The following CFAP54 variants were observed in gnomAD, a reference collection of about 807,000 sequenced individuals.
The protein encoded by CFAP54 is cilia and flagella associated protein 54, also known as cilia- and flagella-associated protein 54.
CFAP54 carries 290 observed loss-of-function variants against 370.4 expected under a neutral mutation model. The ratio of observed to expected loss-of-function variants is 0.78; its 90% CI spans 0.71 to 0.86. The LOEUF (loss-of-function observed/expected upper bound fraction) is 0.86. Ranked by LOEUF, CFAP54 falls within the 40% of genes least tolerant of loss-of-function variation. CFAP54 has a pLI of 0.00. For missense variants in CFAP54, 3,399 were observed against 3,528.7 expected (o/e 0.96, Z 0.93); for synonymous variants, 1,206 against 1,236.5 (o/e 0.98, Z 0.52).
intron 60 of CFAP54, among the ~76,000 whole-genome samples, chr12:96,768,717 A>G (rs755963331): frequency 1.8e-4 from 27 of 152,202 alleles, no homozygotes; most frequent in Non-Finnish European, 2.9e-5. Flanking sequence ...AAACAAAAAA[A>G]GAAGCAGAGC....
Position 96,691,239 on chromosome 12 carries a change from G to A in CFAP54, c.6193G>A (p.Asp2065Asn). 1.2e-6 allele frequency: 2 copies of A among 1,612,802 alleles called. No homozygotes were observed. The highest frequency in any genetic ancestry group is 8.5e-7 in the Non-Finnish European group (1 of 1,179,396). ...ACTCTTCTCAGATAGATACAGGGCT[G>A]ACATTTGCTCTGTAATTGCAAGTCT... ...IELFSDRYRADICSVIASLYY... is the reference protein window; with the variant it reads ...IELFSDRYRANICSVIASLYY... The change falls in exon 44 of 68, where the codon GAC becomes AAC. Residue 2065 changes from aspartate to asparagine, a missense_variant. Around this residue, in one of 3 missense-constraint regions of CFAP54, gnomAD observed 2,796 missense variants for 2,869.7 expected, o/e 0.97. Coordinates refer to ENST00000524981, the MANE Select transcript of CFAP54 (RefSeq NM_001306084.2).
chr12:96,834,319 A>G (rs1020883065), intron 66 of CFAP54, among the ~76,000 whole-genome samples: 2 of 152,228 alleles, frequency 1.3e-5, no homozygotes, highest in South Asian at 2.1e-4. Context: ...ACCTCAGGCT[A>G]GTGGTGCCTT....
intron 66 of CFAP54, among the ~76,000 whole-genome samples, chr12:96,856,303 G>A (rs556520451): frequency 1.3e-5 from 2 of 152,126 alleles, no homozygotes; most frequent in African/African-American, 4.8e-5. Context: ...TTAACATTTG[G>A]CTCCTTTTTA....
intron 12 of CFAP54, among the ~76,000 whole-genome samples, chr12:96,537,849 A>G (rs1313156784): frequency 6.6e-6 from 1 of 151,834 alleles, no homozygotes; most frequent in African/African-American, 2.4e-5. Context: ...GTACTTTGGG[A>G]TGGCACGGCA....
Position 96,802,547 on chromosome 12 carries a change from A to C in CFAP54, c.8851-9189A>C, listed in dbSNP as rs1033249529. Among the ~76,000 whole-genome samples the C allele has an allele frequency of 6.5e-4, 99 of 152,278 alleles. 1 individual carries two copies. The highest frequency in any genetic ancestry group is 2.3e-3 in the African/African-American group (95 of 41,576). ...TTGGGTCCTAGTGGGTTGCTCCATC[A>C]GTGCTATAGCCACCACCCATATGAC... On this transcript the variant is annotated intron_variant, in intron 63 of 67. Coordinates refer to ENST00000524981, the MANE Select transcript of CFAP54 (RefSeq NM_001306084.2).
chr12:96,868,019 A>T (rs763903727), intron 67 of CFAP54, among the ~76,000 whole-genome samples: 4 of 152,192 alleles, frequency 2.6e-5, no homozygotes, highest in Non-Finnish European at 5.9e-5. Context: ...CATGATAAAT[A>T]TATACAATTT....
chr12:96,572,791 T>C lies in CFAP54; in HGVS notation c.2620-3794T>C, dbSNP rs1363903817. ...GGAGATTTCTATTTTGGGGTAGAAA[T>C]GGAGCCTTCTGATTTTTAAATAAAC... On this transcript the variant is annotated intron_variant, in intron 19 of 67. Coordinates refer to ENST00000524981, the MANE Select transcript of CFAP54 (RefSeq NM_001306084.2). The C allele has an allele frequency of 3.4e-6, 3 of 877,390 alleles. No individual in the cohort carries two copies. The African/African-American group carries it at 5.4e-5, about 16-fold the overall frequency. The allele number at this position is 877,390 out of a possible 1,614,324, so 54.4% of individuals were successfully genotyped here.
At chr12:96,567,779 C>T (rs1392414897) in intron 19 of CFAP54, among the ~76,000 whole-genome samples, 1 of 152,052 alleles carries the variant, frequency 6.6e-6, no homozygotes, top group East Asian at 1.9e-4. Context: ...GTGTCTGCCT[C>T]CCGCCACTGA....
At chr12:96,572,977 A>G in intron 19 of CFAP54, 4 of 985,456 alleles carry the variant, frequency 4.1e-6, no homozygotes, top group Non-Finnish European at 4.8e-6. Flanking sequence ...GGTTCACTGA[A>G]TCAGGAACTA....
At chr12:96,660,050 G>A (rs1318332799) in intron 38 of CFAP54, among the ~76,000 whole-genome samples, 1 of 152,214 alleles carries the variant, frequency 6.6e-6, no homozygotes, top group East Asian at 1.9e-4. Flanking sequence ...TAAGGTCTCT[G>A]AAGAAAATAA....
chr12:96,720,369 T>C, intron 49 of CFAP54, 36 bp from the exon 50 acceptor site: 1 of 1,353,104 alleles, frequency 7.4e-7, no homozygotes, highest in Non-Finnish European at 9.6e-7. Context: ...TTGTATTATT[T>C]CTGAACTCAC....
At position 96,507,056 on chromosome 12, in the gene CFAP54, A is replaced by G. The variant is rs1156303396; in HGVS notation, c.696A>G (p.Gln232=). The change falls in exon 4 of 68, where the codon CAA becomes CAG. Residue 232 remains glutamine (Q), a synonymous_variant. Transcript: ENST00000524981. Reference sequence around the variant, plus strand: ...TGTCCTCCTTAAGGCTCATCATGCAAGTGGCTCTGCCACAAGAGCATCTTT... The same window carrying G: ...TGTCCTCCTTAAGGCTCATCATGCAGGTGGCTCTGCCACAAGAGCATCTTT... ...HILSSLRLIM[Q]VALPQEHLCW... 6.5e-7 allele frequency: 1 copy of G among 1,534,768 alleles called. No individual in the cohort carries two copies. Among genetic ancestry groups the G allele is most frequent in the East Asian group, 2.5e-5 (1 of 40,720 alleles).
chr12:96,702,625 A>G (rs1335207992), intron 46 of CFAP54, among the ~76,000 whole-genome samples: 2 of 152,206 alleles, frequency 1.3e-5, no homozygotes, highest in Admixed American at 6.5e-5. Flanking sequence ...TTTATCAACT[A>G]GTTTTCATAA....
Position 96,527,177 on chromosome 12 carries a change from A to G in CFAP54, c.1159-69A>G, listed in dbSNP as rs1955391939. 6.7e-6 allele frequency: 9 copies of G among 1,346,496 alleles called. No individual in the cohort carries two copies. The South Asian group carries it at 1.3e-4, about 20-fold the overall frequency. 83.4% of individuals were successfully genotyped at this position (1,346,496 alleles called of 1,614,324 possible). ...CTCCCAAAGTGTTGGGATTATAGGC[A>G]TGAGCCACTGCGCCCACAATATAAT... On this transcript the variant is annotated intron_variant, in intron 8 of 67. Transcript: ENST00000524981.
rs11108720 is a variant in CFAP54, at chr12:96,862,104, A to G, written c.*14+1152A>G. Reference sequence around the variant, plus strand: ...CTCCTTTGATAATATAAGAAAAAGTAGAAATTTTATGTTACTACCTAAGCT... The same window carrying G: ...CTCCTTTGATAATATAAGAAAAAGTGGAAATTTTATGTTACTACCTAAGCT... On this transcript the variant is annotated intron_variant, in intron 67 of 67. Transcript: ENST00000524981. 6.5e-3 allele frequency among the ~76,000 whole-genome samples: 989 copies of G among 152,328 alleles called. 11 individuals carry two copies. Among genetic ancestry groups the G allele is most frequent in the African/African-American group, 0.022 (932 of 41,578 alleles).
rs1188009302 is a variant in CFAP54 at position 96,526,313 on chromosome 12, C to G, written c.1159-933C>G. On this transcript the variant is annotated intron_variant, in intron 8 of 67. Transcript: ENST00000524981. ...TGCAGGAAGTGCAGTCATTTTGGGCCAGTACAAAGCAGAATGACTGGGAAC... is the reference window on the plus strand; with the variant it reads ...TGCAGGAAGTGCAGTCATTTTGGGCGAGTACAAAGCAGAATGACTGGGAAC... Among the ~76,000 whole-genome samples the G allele has an allele frequency of 2.6e-5, 4 of 152,098 alleles. No individual in the cohort carries two copies. In the East Asian group the frequency reaches 5.8e-4, roughly 22 times the overall value.
At chr12:96,613,485 C>T (rs1436881606) in intron 26 of CFAP54, among the ~76,000 whole-genome samples, 1 of 152,104 alleles carries the variant, frequency 6.6e-6, no homozygotes, top group Non-Finnish European at 1.5e-5. Context: ...CGAACACATT[C>T]AAAAGCTAGC....
At chr12:96,770,420 TA>T (rs1346773690) in intron 60 of CFAP54, among the ~76,000 whole-genome samples, 1 of 152,136 alleles carries the variant, frequency 6.6e-6, no homozygotes, top group African/African-American at 2.4e-5. Flanking sequence ...AATTGTCAGG[TA>T]CTAGGTAGGA....
chr12:96,693,900 C>G, intron 45 of CFAP54, 92 bp downstream of exon 45: 1 of 755,268 alleles, frequency 1.3e-6, no homozygotes, highest in Non-Finnish European at 2.1e-6. Flanking sequence ...TAATAACAAG[C>G]TGATAATAAC....
Sources: gnomAD v4.1 joint callset for allele counts (sites outside exome capture counted in the v4.1 genomes callset) on GRCh38, gnomAD v4.1.1 for gene constraint, gnomAD v4.1.1 regional missense constraint, MANE v1.5 for transcripts, NCBI Gene and HGNC (gene_info 2026-07-23, HGNC 2026-07-21) for gene names.